The following HEG1 variants were observed in gnomAD, a reference collection of about 807,000 sequenced individuals.
The protein encoded by HEG1 is heart development protein with EGF like domains 1.
HEG1 carries 56 observed loss-of-function variants against 125.6 expected under a neutral mutation model. That is an observed-to-expected ratio of 0.45 (90% confidence interval 0.36 to 0.56). The LOEUF is 0.56. Ranked by LOEUF, HEG1 falls within the 20% of genes least tolerant of loss-of-function variation. HEG1 has a pLI of 0.00. For missense variants in HEG1, 1,523 were observed against 1,670.0 expected (o/e 0.91, Z 1.53); for synonymous variants, 644 against 668.5 (o/e 0.96, Z 0.57).
Position 124,989,737 on chromosome 3 carries a change from T to A in HEG1, c.3733+1050A>T, listed in dbSNP as rs557904921. On this transcript the variant is annotated intron_variant, in intron 14 of 16. Transcript: ENST00000311127. ...GTGTCTCTAGCATGCCTGGTGGGAC[T>A]ATGCTGGAAATATCTAAGCTGCACC... Among the ~76,000 whole-genome samples, 52 of 152,286 alleles carry A rather than the reference T, an allele frequency of 3.4e-4. 1 individual carries two copies. The highest frequency in any genetic ancestry group is 1.5e-3 in the Admixed American group (23 of 15,298).
intron 5 of HEG1, 113 bp from the exon 6 acceptor site, chr3:125,014,103 A>C: frequency 2.0e-6 from 2 of 983,532 alleles, no homozygotes; most frequent in Non-Finnish European, 2.9e-6. Flanking sequence ...AAGTGGGTGA[A>C]ACACTTGCTT....
intron 5 of HEG1, among the ~76,000 whole-genome samples, chr3:125,018,628 C>T (rs1013505727): frequency 6.6e-6 from 1 of 152,262 alleles, no homozygotes; most frequent in East Asian, 1.9e-4. Flanking sequence ...CTTCCAGAAG[C>T]TCTGTGACTG....
rs1936316317 is a variant in HEG1, at chr3:124,966,481, AAAACCAGT to A, written c.*4163_*4170del. On this transcript the variant is annotated 3_prime_UTR_variant, in exon 17 of 17. Coordinates refer to ENST00000311127, the MANE Select transcript of HEG1 (RefSeq NM_020733.2). ...AAACATACCCAAAGGCAAACTCTAC[AAAACCAGT>A]ATCTCTATTTCCAAAAACACACATG... The A allele has an allele frequency of 6.6e-6, 1 of 152,210 alleles. No individual in the cohort carries two copies. The highest frequency in any genetic ancestry group is 2.4e-5 in the African/African-American group (1 of 41,462). The allele number at this position is 152,210 out of a possible 1,614,324, so 9.4% of individuals were successfully genotyped here. A position where few individuals can be genotyped will look rare whatever the true frequency, so the allele number is the denominator to read the frequency against.
intron 1 of HEG1, among the ~76,000 whole-genome samples, chr3:125,039,942 G>T (rs1937579428): frequency 6.6e-6 from 1 of 152,154 alleles, no homozygotes; most frequent in Non-Finnish European, 1.5e-5. Flanking sequence ...GAATGAAATG[G>T]TGCCTATCAC....
At chr3:124,971,110 A>C (rs1201570005) in intron 16 of HEG1, 1 of 513,162 alleles carries the variant, frequency 1.9e-6, no homozygotes, top group East Asian at 5.3e-5. Flanking sequence ...GGCCAACAGC[A>C]ATCCTCAAGT....
Position 125,055,772 on chromosome 3 carries a change from C to T in HEG1, c.119G>A (p.Arg40His). 1.0e-6 allele frequency: 1 copy of T among 997,596 alleles called. No individual in the cohort carries two copies. The highest frequency in any genetic ancestry group is 1.2e-6 in the Non-Finnish European group (1 of 839,292). The allele number at this position is 997,596 out of a possible 1,614,324, so 61.8% of individuals were successfully genotyped here. ...TRDPPPSPAR[R>H]ALSLAPLAGA... ...CGCGAGGGGCGCCAGGCTCAGCGCGCGGCGAGCCGGGGAAGGCGGCGGGTC... is the reference window on the plus strand; with the variant it reads ...CGCGAGGGGCGCCAGGCTCAGCGCGTGGCGAGCCGGGGAAGGCGGCGGGTC... The change falls in exon 1 of 17, where the codon CGC becomes CAC. Residue 40 changes from arginine to histidine, a missense_variant. Coordinates refer to ENST00000311127, the MANE Select transcript of HEG1 (RefSeq NM_020733.2).
intron 1 of HEG1, among the ~76,000 whole-genome samples, chr3:125,052,337 T>C (rs747401789): frequency 6.6e-6 from 1 of 152,198 alleles, no homozygotes; most frequent in Non-Finnish European, 1.5e-5. Context: ...AATGACGAAG[T>C]TGGCCCACAA....
intron 14 of HEG1, among the ~76,000 whole-genome samples, chr3:124,979,907 A>T (rs2107688109): frequency 6.6e-6 from 1 of 152,318 alleles, no homozygotes; most frequent in East Asian, 1.9e-4. Flanking sequence ...GCCATGCAAC[A>T]ATTTTCCTAT....
chr3:125,052,878 G>A (rs763299888), intron 1 of HEG1, among the ~76,000 whole-genome samples: 5 of 152,194 alleles, frequency 3.3e-5, no homozygotes, highest in Non-Finnish European at 7.3e-5. Flanking sequence ...ACTCAGCAGT[G>A]AGAAGTTGAA....
intron 1 of HEG1, among the ~76,000 whole-genome samples, chr3:125,047,795 G>A (rs1220570651): frequency 6.6e-6 from 1 of 152,190 alleles, no homozygotes; most frequent in African/African-American, 2.4e-5. Context: ...ACAAGCAGGT[G>A]TCTCTCTCCT....
intron 1 of HEG1, among the ~76,000 whole-genome samples, chr3:125,052,105 A>G (rs1334851710): frequency 6.8e-6 from 1 of 147,510 alleles, no homozygotes; most frequent in East Asian, 1.9e-4. Context: ...TTAAACACTC[A>G]TGCACCACGG....
At position 125,013,564 on chromosome 3, in the gene HEG1, G is replaced by A; in HGVS notation, c.2015C>T (p.Ser672Leu). The change falls in exon 6 of 17, where the codon TCA becomes TTA. Residue 672 changes from serine to leucine, a missense_variant. Transcript: ENST00000311127. ...SSSSSSSSSS[S>L]GPPLPLPSVS... ...AGAGGGCAGAGGCAAAGGAGGCCCT[G>A]AAGAAGAAGAAGAGGAGGAGGAGGA... The A allele has an allele frequency of 7.5e-6, 12 of 1,593,062 alleles. No homozygotes were observed. Among genetic ancestry groups the A allele is most frequent in the Non-Finnish European group, 1.0e-5 (12 of 1,169,508 alleles).
At chr3:125,049,572 C>T (rs1055479105) in intron 1 of HEG1, among the ~76,000 whole-genome samples, 3 of 152,232 alleles carry the variant, frequency 2.0e-5, no homozygotes, top group African/African-American at 7.2e-5. Flanking sequence ...CACTGAACGG[C>T]TGAAACTGAA....
At chr3:125,023,722 T>A (rs969956029) in intron 3 of HEG1, among the ~76,000 whole-genome samples, 1 of 152,220 alleles carries the variant, frequency 6.6e-6, no homozygotes, top group Non-Finnish European at 1.5e-5. Flanking sequence ...ATTTAATAAT[T>A]GCCCTTCTTG....
In HEG1 at chr3:124,965,721, T is replaced by C. The variant is rs1936297344; in HGVS notation, c.*4931A>G. The C allele has an allele frequency of 6.6e-6, 1 of 152,234 alleles. No homozygotes were observed. 9.4% of individuals were successfully genotyped at this position (152,234 alleles called of 1,614,324 possible). ...AGGAAAACACACAATGAAAATGATA[T>C]TAATTTTATTGCATCATTTTACTGA... On this transcript the variant is annotated 3_prime_UTR_variant, in exon 17 of 17. Transcript: ENST00000311127.
intron 1 of HEG1, among the ~76,000 whole-genome samples, chr3:125,030,832 A>G (rs1177507606): frequency 1.3e-5 from 2 of 152,096 alleles, no homozygotes; most frequent in African/African-American, 4.8e-5. Context: ...AGCCTGCTCC[A>G]AACCCAGGCC....
At chr3:124,998,782 A>G (rs1359358659) in intron 11 of HEG1, among the ~76,000 whole-genome samples, 1 of 152,212 alleles carries the variant, frequency 6.6e-6, no homozygotes, top group Non-Finnish European at 1.5e-5. Flanking sequence ...AGAACAGAAC[A>G]AAAATAGGAA....
chr3:125,027,261 G>A lies in HEG1; in HGVS notation c.857C>T (p.Ser286Phe), dbSNP rs1331630568. 3.1e-6 allele frequency: 5 copies of A among 1,612,808 alleles called. No individual in the cohort carries two copies. Among genetic ancestry groups the A allele is most frequent in the African/African-American group, 1.3e-5 (1 of 74,916 alleles). ...TGCTGTCCTGTAGAAATGCAGCCAG[G>A]AGAGATCTGGTCCTGAGGAATTTCT... ...RKRNSSGPDL[S>F]WLHFYRTAAS... The change falls in exon 3 of 17, where the codon TCC (serine) becomes TTC (phenylalanine). Residue 286 changes from serine (S) to phenylalanine (F), a missense_variant. Physicochemically the swap from Ser to Phe is radical, Grantham distance 155. Transcript: ENST00000311127.
Position 125,029,190 on chromosome 3 carries a change from C to A in HEG1, c.610+5G>T. 6.2e-7 allele frequency: 1 copy of A among 1,609,746 alleles called. No homozygotes were observed. The highest frequency in any genetic ancestry group is 8.5e-7 in the Non-Finnish European group (1 of 1,178,070). ...GTGAAATGCGCATCATCAGCACAAG[C>A]TCACCTAAGTTGCCACTCTGGGAAG... On this transcript the variant is annotated splice_donor_5th_base_variant and intron_variant, in intron 2 of 16. Coordinates refer to ENST00000311127, the MANE Select transcript of HEG1 (RefSeq NM_020733.2).
Sources: gnomAD v4.1 joint callset for allele counts (sites outside exome capture counted in the v4.1 genomes callset) on GRCh38, gnomAD v4.1.1 for gene constraint, MANE v1.5 for transcripts, NCBI Gene and HGNC (gene_info 2026-07-23, HGNC 2026-07-21) for gene names.